ITGA7: variants seen among roughly 807,000 people sequenced by gnomAD.
ITGA7 encodes integrin subunit alpha 7, also known as integrin alpha-7.
Under a neutral mutation model 131.6 loss-of-function variants are expected in ITGA7, and 84 were observed. The ratio of observed to expected loss-of-function variants is 0.64; its 90% CI spans 0.54 to 0.77. The LOEUF is 0.77. Among genes scored for constraint, ITGA7 ranks in the 30% least tolerant of loss-of-function variants. The probability of loss-of-function intolerance (pLI) is 0.00; values close to 1 mark genes in which losing one functional copy is unlikely to be tolerated. For synonymous variants in ITGA7, 548 were observed against 600.7 expected (o/e 0.91, Z 1.28); for missense variants, 1,399 against 1,482.9 (o/e 0.94, Z 0.93).
intron 21 of ITGA7, among the ~76,000 whole-genome samples, chr12:55,691,234 T>C (rs756638091): frequency 1.3e-5 from 2 of 152,224 alleles, no homozygotes; most frequent in Non-Finnish European, 2.9e-5. Flanking sequence ...TACTGCATTA[T>C]CTCACTTATA....
chr12:55,699,148 C>T (rs1873388070), intron 5 of ITGA7, among the ~76,000 whole-genome samples: 1 of 152,156 alleles, frequency 6.6e-6, no homozygotes, highest in Non-Finnish European at 1.5e-5. Flanking sequence ...CCTCCCACAC[C>T]CACCAGGCCC....
upstream of ITGA7, among the ~76,000 whole-genome samples, chr12:55,709,301 C>T (rs182952183): frequency 1.3e-5 from 2 of 152,294 alleles, no homozygotes; most frequent in African/African-American, 4.8e-5. Context: ...CTACCTCCTT[C>T]CTCTTCCTGT....
intron 8 of ITGA7, 51 bp from the exon 9 acceptor site, chr12:55,697,873 G>C: frequency 6.2e-7 from 1 of 1,614,014 alleles, no homozygotes; most frequent in Non-Finnish European, 8.5e-7. Flanking sequence ...GCAGGCCTCT[G>C]CCTCCCCTGA....
chr12:55,697,349 T>C lies in ITGA7; in HGVS notation c.1506-72A>G. The C allele has an allele frequency of 3.2e-6, 5 of 1,574,736 alleles. No homozygotes were observed. In the South Asian group the frequency reaches 4.5e-5, roughly 14 times the overall value. On this transcript the variant is annotated intron_variant, in intron 10 of 24. Coordinates refer to ENST00000257879, the MANE Select transcript of ITGA7 (RefSeq NM_002206.3). ...AAGGCCCCTACCCCCACCCCATCTG[T>C]CACATCCTGTCACAGCCCCAGCCCC...
rs1297332914 is a variant in ITGA7 at position 55,698,766 on chromosome 12, C to T, written c.942G>A (p.Glu314=). 4 of 1,614,052 alleles carry T rather than the reference C, an allele frequency of 2.5e-6. No individual in the cohort carries two copies. Among genetic ancestry groups the T allele is most frequent in the African/African-American group, 1.3e-5 (1 of 74,920 alleles). The change falls in exon 6 of 25, where the codon GAG becomes GAA. Residue 314 remains glutamate, a synonymous_variant. Coordinates refer to ENST00000257879, the MANE Select transcript of ITGA7 (RefSeq NM_002206.3). ...RLVPEVMLSG[E]RLTSGFGYSL... is the part of the protein sequence containing the mutation. ...AGTAGCCAAAGCCGGAGGTCAGGCG[C>T]TCCCCAGACAGCATAACCTCGGGCA... is the stretch of plus-strand genomic sequence containing the variant.
At chr12:55,696,697 ACCT>A (rs374085008) in intron 12 of ITGA7, among the ~76,000 whole-genome samples, 199 bp downstream of exon 12, 1 of 151,878 alleles carries the variant, frequency 6.6e-6, no homozygotes, top group Non-Finnish European at 1.5e-5. Flanking sequence ...AGCCCCTTGC[ACCT>A]CCTCCTCCTC....
At chr12:55,686,651 A>T (rs141313412) in intron 24 of ITGA7, among the ~76,000 whole-genome samples, 1 of 152,328 alleles carries the variant, frequency 6.6e-6, no homozygotes, top group African/African-American at 2.4e-5. Context: ...CAGATGGCTC[A>T]GCATATGACC....
In ITGA7 at chr12:55,696,359, C is replaced by T. The variant is rs764577574; in HGVS notation, c.1811G>A (p.Arg604Gln). 3.3e-5 allele frequency: 52 copies of T among 1,590,954 alleles called. No homozygotes were observed. The highest frequency in any genetic ancestry group is 4.6e-5 in the South Asian group (4 of 87,734). ...SYSLQTPRLR[R>Q]QAPGQGLPPV... ...AGGCAGCCCCTGGCCAGGAGCCTGT[C>T]GCCGGAGCCGAGGGGTCTGGAGACT... The change falls in exon 13 of 25, where the codon CGA (arginine) becomes CAA (glutamine). Residue 604 changes from arginine (R) to glutamine (Q), a missense_variant. By Grantham distance (43) the Arg-to-Gln change is conservative. Transcript: ENST00000257879.
Position 55,685,268 on chromosome 12 carries a change from C to T in ITGA7, c.3204G>A (p.Ala1068=), listed in dbSNP as rs759134989. ...GGGGCACGGTGGCCTCGGGGTGCTT[C>T]GCCCGTTTGAAGAATCCCATCTATA... ...LLWKMGFFKR[A]KHPEATVPQY... The change falls in exon 25 of 25, where the codon GCG becomes GCA. Residue 1068 remains alanine (A), a synonymous_variant. Coordinates refer to ENST00000257879, the MANE Select transcript of ITGA7 (RefSeq NM_002206.3). 18 of 1,614,044 alleles carry T rather than the reference C, an allele frequency of 1.1e-5. No homozygotes were observed. Among genetic ancestry groups the T allele is most frequent in the East Asian group, 1.1e-4 (5 of 44,898 alleles).
At position 55,699,996 on chromosome 12, in the gene ITGA7, G is replaced by C. The variant is rs1416156191; in HGVS notation, c.671-7C>G. ...TTGGTCACAAAAAGCAACCCTGTGG[G>C]GGGTGGGGTGAGACACCAGGGAGGG... On this transcript the variant is annotated splice_region_variant and splice_polypyrimidine_tract_variant and intron_variant, in intron 4 of 24. Transcript: ENST00000257879. 1 of 1,614,052 alleles carries C rather than the reference G, an allele frequency of 6.2e-7. No homozygotes were observed. The highest frequency in any genetic ancestry group is 2.2e-5 in the East Asian group (1 of 44,872).
At position 55,697,459 on chromosome 12, in the gene ITGA7, G is replaced by A; in HGVS notation, c.1497C>T (p.His499=). 6.2e-7 allele frequency: 1 copy of A among 1,614,068 alleles called. No individual in the cohort carries two copies. Among genetic ancestry groups the A allele is most frequent in the Non-Finnish European group, 8.5e-7 (1 of 1,180,008 alleles). The change falls in exon 10 of 25, where the codon CAC becomes CAT. Residue 499 remains histidine, a synonymous_variant. Transcript: ENST00000257879. ...DLEQPNCAGG[H]SVCVDLRVCF... ...ACCCGATCCCACCTCACCAGACCGA[G>A]TGGCCGCCAGCACAGTTGGGCTGCT...
rs1872231685 is a variant in ITGA7 at position 55,694,645 on chromosome 12, C to T, written c.2247G>A (p.Glu749=). The T allele has an allele frequency of 9.9e-6, 16 of 1,614,160 alleles. No homozygotes were observed. The highest frequency in any genetic ancestry group is 1.4e-5 in the Non-Finnish European group (16 of 1,180,002). ...CACCTCTCTTCATGGGGTTCCCCAG[C>T]TCACACTCAACATGGGAGGCATTCT... ...SNENASHVEC[E]LGNPMKRGAQ... is the part of the protein sequence containing the mutation. Residue 749 remains glutamate, a synonymous_variant, in exon 16 of 25, where the codon GAG becomes GAA. Coordinates refer to ENST00000257879, the MANE Select transcript of ITGA7 (RefSeq NM_002206.3). This position sits in a 1 kb window ranked among gnomAD's most constrained non-coding sequence, Gnocchi z 5.3.
chr12:55,702,613 T>C (rs1160573241), intron 3 of ITGA7, among the ~76,000 whole-genome samples: 1 of 152,198 alleles, frequency 6.6e-6, no homozygotes, highest in Non-Finnish European at 1.5e-5. Context: ...TCCCCTGTAG[T>C]AACTAGCACA....
At chr12:55,709,606 AGAG>A (rs1250311344), upstream of ITGA7, among the ~76,000 whole-genome samples, 2 of 152,222 alleles carry the variant, frequency 1.3e-5, no homozygotes, top group African/African-American at 2.4e-5. Flanking sequence ...CCCAGACAGT[AGAG>A]AAGAGCTGAC....
At position 55,697,558 on chromosome 12, in the gene ITGA7, G is replaced by A; in HGVS notation, c.1410-12C>T. 4 of 1,612,074 alleles carry A rather than the reference G, an allele frequency of 2.5e-6. No individual in the cohort carries two copies. The highest frequency in any genetic ancestry group is 3.4e-6 in the Non-Finnish European group (4 of 1,178,326). On this transcript the variant is annotated splice_polypyrimidine_tract_variant and intron_variant, in intron 9 of 24. Coordinates refer to ENST00000257879, the MANE Select transcript of ITGA7 (RefSeq NM_002206.3). The stretch of plus-strand genomic sequence containing the variant: ...GGATGGGTCTGGCCCTGGGATTGGG[G>A]AGTCAAGAGCACAAGAAACATGAGA...
chr12:55,699,643 A>G (rs550832334), intron 5 of ITGA7: 8 of 584,054 alleles, frequency 1.4e-5, no homozygotes, highest in Non-Finnish European at 2.1e-5. Context: ...ATCTTCCTCC[A>G]TGGAGACCCC....
In ITGA7 at chr12:55,688,046, C is replaced by A. The variant is rs1439804414; in HGVS notation, c.3108G>T (p.Val1036=). ...CAGCCAGGAGGATGACCCACCAGGG[C>A]ACTCCTTCTGCCACCACAGCCATGG... is the stretch of plus-strand genomic sequence containing the variant. ...LDPMAVVAEG[V]PWWVILLAVL... The change falls in exon 24 of 25, where the codon GTG becomes GTT. Residue 1036 remains valine (V), a synonymous_variant. Transcript: ENST00000257879. 3 of 1,614,190 alleles carry A rather than the reference C, an allele frequency of 1.9e-6. No homozygotes were observed. Among genetic ancestry groups the A allele is most frequent in the Admixed American group, 1.7e-5 (1 of 60,028 alleles).
chr12:55,698,835 C>T lies in ITGA7; in HGVS notation c.873G>A (p.Lys291=), dbSNP rs749297378. Residue 291 remains lysine (K), a synonymous_variant, in exon 6 of 25, where the codon AAG becomes AAA. Transcript: ENST00000257879. ...FVAGAPRANH[K]GAVVILRKDS... ...CCTTGCGCAGGATGACCACAGCACC[C>T]TTGTGGTTGGCGCGGGGGGCTCCAG... The T allele has an allele frequency of 1.2e-6, 2 of 1,613,958 alleles. No individual in the cohort carries two copies. Among genetic ancestry groups the T allele is most frequent in the Non-Finnish European group, 1.7e-6 (2 of 1,179,970 alleles).
chr12:55,699,039 C>T, intron 5 of ITGA7, 122 bp from the exon 6 acceptor site: 1 of 861,138 alleles, frequency 1.2e-6, no homozygotes, highest in Non-Finnish European at 1.9e-6. Context: ...AGCTCCCCTG[C>T]ACCCTGCCCC....
Sources: gnomAD v4.1 joint callset for allele counts (sites outside exome capture counted in the v4.1 genomes callset) on GRCh38, gnomAD v4.1.1 for gene constraint, Gnocchi (gnomAD v3.1) non-coding constraint, MANE v1.5 for transcripts, NCBI Gene and HGNC (gene_info 2026-07-23, HGNC 2026-07-21) for gene names.